IPO11: variants seen among roughly 807,000 people sequenced by gnomAD.
IPO11 encodes the protein importin 11.
A neutral mutation model predicts 143.2 loss-of-function variants in IPO11; 66 were observed. That is an observed-to-expected ratio of 0.46 (90% confidence interval 0.38 to 0.57). The LOEUF is 0.57. Among genes scored for constraint, IPO11 ranks in the 20% least tolerant of loss-of-function variants. IPO11 has a pLI of 0.00. For synonymous variants in IPO11, 385 were observed against 377.8 expected, an observed-to-expected ratio of 1.02 and a Z score of -0.22; for missense variants, 1,026 against 1,141.0, an observed-to-expected ratio of 0.90 and a Z score of 1.45.
At position 62,567,558 on chromosome 5, in the gene IPO11, C is replaced by CTTTT. The variant is rs34740276; in HGVS notation, c.2582+6319_2582+6322dup. On this transcript the variant is annotated intron_variant, in intron 27 of 29. Transcript: ENST00000325324. ...TGAAGGTCAATGACTCTTACATTTC[C>CTTTT]TTTTTTTTTTTTTTTTTTTTTAAGA... is the stretch of plus-strand genomic sequence containing the variant. Among the ~76,000 whole-genome samples, 11 of 70,174 alleles carry CTTTT rather than the reference C, an allele frequency of 1.6e-4. 1 individual carries two copies. The highest frequency in any genetic ancestry group is 6.6e-4 in the African/African-American group (10 of 15,108). 46.0% of individuals were successfully genotyped at this position (70,174 alleles called of 152,430 possible).
At chr5:62,485,590 G>T (rs1174910602) in intron 12 of IPO11, 128 bp downstream of exon 12, 1 of 755,384 alleles carries the variant, frequency 1.3e-6, no homozygotes, top group Non-Finnish European at 2.1e-6. Flanking sequence ...TTTAATCCTA[G>T]CACTTTGGGA....
At chr5:62,480,320 C>T (rs1354383955) in intron 9 of IPO11, among the ~76,000 whole-genome samples, 1 of 152,176 alleles carries the variant, frequency 6.6e-6, no homozygotes, top group Non-Finnish European at 1.5e-5. Flanking sequence ...GTACCAGTAC[C>T]ATGCTGTTTT....
At chr5:62,619,582 G>A (rs1480937739) in intron 29 of IPO11, among the ~76,000 whole-genome samples, 1 of 152,036 alleles carries the variant, frequency 6.6e-6, no homozygotes, top group East Asian at 1.9e-4. Flanking sequence ...GGCCGGGCGT[G>A]GTGGCTCACG....
chr5:62,581,277 G>A (rs892362508), intron 27 of IPO11: 2 of 1,529,488 alleles, frequency 1.3e-6, no homozygotes, highest in Non-Finnish European at 1.8e-6. Context: ...ATGAGGCACA[G>A]GTCATTCTTT....
intron 28 of IPO11, 59 bp from the exon 29 acceptor site, chr5:62,601,704 AT>A: frequency 2.4e-6 from 2 of 833,946 alleles, no homozygotes; most frequent in Non-Finnish European, 3.5e-6. Flanking sequence ...TTAAGGACTT[AT>A]TTTTAAGTGT....
At chr5:62,502,549 C>T (rs949721852) in intron 16 of IPO11, among the ~76,000 whole-genome samples, 2 of 152,150 alleles carry the variant, frequency 1.3e-5, no homozygotes, top group African/African-American at 4.8e-5. Context: ...TCTGTTCTTG[C>T]AGTCAAACTG....
At chr5:62,422,775 G>T (rs153866) in intron 1 of IPO11, among the ~76,000 whole-genome samples, 13,758 of 152,026 alleles carry the variant, frequency 0.09, 673 homozygotes, top group East Asian at 0.14. Flanking sequence ...CCTGTCTATT[G>T]TCTTCTTACA....
intron 28 of IPO11, among the ~76,000 whole-genome samples, chr5:62,592,228 T>C (rs1487754990): frequency 6.6e-6 from 1 of 152,218 alleles, no homozygotes; most frequent in Non-Finnish European, 1.5e-5. Flanking sequence ...ATTAAGTTTT[T>C]AAAATTTCAA....
chr5:62,450,079 G>A, intron 4 of IPO11, 80 bp downstream of exon 4: 1 of 924,166 alleles, frequency 1.1e-6, no homozygotes, highest in African/African-American at 1.7e-5. Context: ...GCATTAAAAT[G>A]AAAAATAAAA....
chr5:62,516,356 C>T (rs32189), intron 20 of IPO11, among the ~76,000 whole-genome samples: 13,736 of 151,894 alleles, frequency 0.09, 677 homozygotes, highest in East Asian at 0.14. Context: ...CACAGTGGCG[C>T]GATCTTGGCT....
chr5:62,423,209 T>C (rs1329824516), intron 1 of IPO11, among the ~76,000 whole-genome samples: 1 of 152,234 alleles, frequency 6.6e-6, no homozygotes, highest in African/African-American at 2.4e-5. Context: ...TTTACTCTGA[T>C]AAAATTTGTA....
intron 1 of IPO11, among the ~76,000 whole-genome samples, chr5:62,429,710 G>A (rs185204769): frequency 3.4e-4 from 52 of 151,820 alleles, no homozygotes; most frequent in African/African-American, 1.3e-3. Context: ...TGCAACCTCT[G>A]CCTCCCGGGT....
Position 62,506,362 on chromosome 5 carries a change from T to G in IPO11, c.1782+5T>G. ...ATCGAAAGAGTCAACATGCAGGTAA[T>G]TATATTGTAAAACATGAAAATAAAT... On this transcript the variant is annotated splice_donor_5th_base_variant and intron_variant, in intron 19 of 29. Coordinates refer to ENST00000325324, the MANE Select transcript of IPO11 (RefSeq NM_016338.5). 6.6e-7 allele frequency: 1 copy of G among 1,525,082 alleles called. No individual in the cohort carries two copies. Among genetic ancestry groups the G allele is most frequent in the Non-Finnish European group, 9.1e-7 (1 of 1,102,532 alleles). The allele number at this position is 1,525,082 out of a possible 1,614,324, so 94.5% of individuals were successfully genotyped here.
At chr5:62,548,086 G>C (rs1743268802) in intron 24 of IPO11, among the ~76,000 whole-genome samples, 1 of 144,050 alleles carries the variant, frequency 6.9e-6, no homozygotes, top group Non-Finnish European at 1.5e-5. Flanking sequence ...TACTGCCTTT[G>C]CACTTCCTCT....
intron 13 of IPO11, among the ~76,000 whole-genome samples, chr5:62,488,085 TAGA>T (rs1746472865): frequency 6.6e-6 from 1 of 152,216 alleles, no homozygotes; most frequent in Non-Finnish European, 1.5e-5. Flanking sequence ...GTAAATACAA[TAGA>T]AGCAAAAGCA....
chr5:62,539,127 CA>C (rs1742837552), intron 24 of IPO11, among the ~76,000 whole-genome samples: 1 of 152,074 alleles, frequency 6.6e-6, no homozygotes. Context: ...AACAAAATAC[CA>C]CAACCTTGGT....
intron 25 of IPO11, among the ~76,000 whole-genome samples, chr5:62,550,722 A>G (rs1474912766): frequency 6.6e-6 from 1 of 152,192 alleles, no homozygotes; most frequent in Non-Finnish European, 1.5e-5. Context: ...TGAGTGGCTT[A>G]ATTCCAATGC....
At chr5:62,458,690 T>C (rs1369121371) in intron 5 of IPO11, among the ~76,000 whole-genome samples, 2 of 152,214 alleles carry the variant, frequency 1.3e-5, no homozygotes, top group African/African-American at 4.8e-5. Context: ...AGCCTGTGCA[T>C]GTGTGTGTCT....
chr5:62,539,053 G>T (rs1196435466), intron 24 of IPO11, among the ~76,000 whole-genome samples: 1 of 152,172 alleles, frequency 6.6e-6, no homozygotes, highest in Non-Finnish European at 1.5e-5. Flanking sequence ...ATTATAGATT[G>T]ATGAGAAAAG....
Sources: gnomAD v4.1 joint callset for allele counts (sites outside exome capture counted in the v4.1 genomes callset) on GRCh38, gnomAD v4.1.1 for gene constraint, MANE v1.5 for transcripts, NCBI Gene and HGNC (gene_info 2026-07-23, HGNC 2026-07-21) for gene names.